The following CRMP1 variants were observed in gnomAD, a reference collection of about 807,000 sequenced individuals.
CRMP1 encodes dihydropyrimidinase-related protein 1.
A neutral mutation model predicts 68.3 loss-of-function variants in CRMP1; 19 were observed. The observed-to-expected ratio is 0.28, with a 90% CI of 0.19 to 0.41. CRMP1 has a LOEUF of 0.41. Ranked by LOEUF, CRMP1 falls within the 10% of genes least tolerant of loss-of-function variation. CRMP1 has a pLI of 1.00. For missense variants in CRMP1, 791 were observed against 967.4 expected, an observed-to-expected ratio of 0.82 and a Z score of 2.42; for synonymous variants, 439 against 399.6, an observed-to-expected ratio of 1.10 and a Z score of -1.18.
chr4:5,857,760 G>A (rs1273829001), intron 3 of CRMP1, among the ~76,000 whole-genome samples: 3 of 152,236 alleles, frequency 2.0e-5, no homozygotes, highest in South Asian at 2.1e-4. Context: ...CTTACCCACT[G>A]CTCCAAGCTA....
In CRMP1 at chr4:5,825,956, A is replaced by C. The variant is rs1719536232; in HGVS notation, c.1804-297T>G. ...CATGCAGTCATGCACACATATATGC[A>C]TGCACATGCAGTAACAAAACAGGCC... On this transcript the variant is annotated intron_variant, in intron 12 of 13. Transcript: ENST00000324989. This position sits in a 1 kb window ranked among gnomAD's most constrained non-coding sequence, Gnocchi z 4.4. 4.5e-6 allele frequency: 2 copies of C among 439,874 alleles called. No individual in the cohort carries two copies. Among genetic ancestry groups the C allele is most frequent in the African/African-American group, 2.1e-5 (1 of 47,946 alleles). The allele number at this position is 439,874 out of a possible 1,614,324, so 27.2% of individuals were successfully genotyped here.
In CRMP1 at chr4:5,856,229, G is replaced by C; in HGVS notation, c.734C>G (p.Ser245Cys). 3 of 1,614,008 alleles carry C rather than the reference G, an allele frequency of 1.9e-6. No individual in the cohort carries two copies. The highest frequency in any genetic ancestry group is 2.5e-6 in the Non-Finnish European group (3 of 1,179,904). The change falls in exon 4 of 14, where the codon TCC becomes TGC. Residue 245 changes from serine (S) to cysteine (C), a missense_variant. Physicochemically the swap from Ser to Cys is moderately radical, Grantham distance 112 (BLOSUM62 -1). This residue lies in a region of CRMP1 where 594 missense variants were observed against 763.6 expected (regional missense o/e 0.78). Coordinates refer to ENST00000324989, the MANE Select transcript of CRMP1 (RefSeq NM_001014809.3). Reference sequence around the variant, plus strand: ...CACGTGGAGGGAGTAATCACAGCAGGATTTGGTGTCAGCTGCTTCGTGCCA... The same window carrying C: ...CACGTGGAGGGAGTAATCACAGCAGCATTTGGTGTCAGCTGCTTCGTGCCA... ...EKWHEAADTK[S>C]CCDYSLHVDI...
chr4:5,837,688 A>G (rs1334305259), intron 9 of CRMP1, among the ~76,000 whole-genome samples: 1 of 150,044 alleles, frequency 6.7e-6, no homozygotes, highest in East Asian at 1.9e-4. Flanking sequence ...TAAATAAAAT[A>G]AAATAAAATA....
Position 5,883,387 on chromosome 4 carries a change from C to A in CRMP1, c.381+9202G>T, listed in dbSNP as rs1049348051. ...TGATCTCAGCTCACTGCAACCTCTG[C>A]CTCCCAGGTTCAAGCAATTTCTCCT... On this transcript the variant is annotated intron_variant, in intron 1 of 13. Coordinates refer to ENST00000324989, the MANE Select transcript of CRMP1 (RefSeq NM_001014809.3). The surrounding 1 kb of genome is among the most constrained non-coding windows in gnomAD (Gnocchi z 4.5). Among the ~76,000 whole-genome samples the A allele has an allele frequency of 1.3e-5, 2 of 152,024 alleles. No individual in the cohort carries two copies. Among genetic ancestry groups the A allele is most frequent in the South Asian group, 4.2e-4 (2 of 4,806 alleles).
At chr4:5,835,771 G>C in intron 11 of CRMP1, 144 bp downstream of exon 11, 1 of 979,688 alleles carries the variant, frequency 1.0e-6, no homozygotes, top group Non-Finnish European at 1.4e-6. Flanking sequence ...TCTCCAACTG[G>C]AGGAGAAATG....
Position 5,825,867 on chromosome 4 carries a change from ACAC to A in CRMP1, c.1804-211_1804-209del, listed in dbSNP as rs370030770. 3 of 563,534 alleles carry A rather than the reference ACAC, an allele frequency of 5.3e-6. No homozygotes were observed. Among genetic ancestry groups the A allele is most frequent in the Non-Finnish European group, 9.3e-6 (3 of 323,344 alleles). 34.9% of individuals were successfully genotyped at this position (563,534 alleles called of 1,614,324 possible). On this transcript the variant is annotated intron_variant, in intron 12 of 13. Coordinates refer to ENST00000324989, the MANE Select transcript of CRMP1 (RefSeq NM_001014809.3). This position sits in a 1 kb window ranked among gnomAD's most constrained non-coding sequence, Gnocchi z 4.4. ...TTCATACACACAAGCATGCATACACACACATCTACATACCCACATGCATACACA... is the reference window on the plus strand; with the variant it reads ...TTCATACACACAAGCATGCATACACAATCTACATACCCACATGCATACACA...
At position 5,843,970 on chromosome 4, in the gene CRMP1, T is replaced by TAA. The variant is rs56743840; in HGVS notation, c.964-811_964-810dup. On this transcript the variant is annotated intron_variant, in intron 6 of 13. Coordinates refer to ENST00000324989, the MANE Select transcript of CRMP1 (RefSeq NM_001014809.3). This position sits in a 1 kb window ranked among gnomAD's most constrained non-coding sequence, Gnocchi z 4.1. ...ACACTTTAATTTCTAAAATAAAAAA[T>TAA]AAAAAAAAAATTTGACATTGCCCAG... Among the ~76,000 whole-genome samples the TAA allele has an allele frequency of 6.0e-5, 9 of 150,476 alleles. No homozygotes were observed. The highest frequency in any genetic ancestry group is 2.0e-4 in the East Asian group (1 of 5,126).
rs1316946495 is a variant in CRMP1, at chr4:5,856,226, C to G, written c.737G>C (p.Cys246Ser). 4 of 1,614,020 alleles carry G rather than the reference C, an allele frequency of 2.5e-6. No individual in the cohort carries two copies. Among genetic ancestry groups the G allele is most frequent in the Non-Finnish European group, 3.4e-6 (4 of 1,179,920 alleles). The change falls in exon 4 of 14, where the codon TGC becomes TCC. Residue 246 changes from cysteine (C) to serine (S), a missense_variant. Transcript: ENST00000324989. ...KWHEAADTKS[C>S]CDYSLHVDIT... ...GTCCACGTGGAGGGAGTAATCACAG[C>G]AGGATTTGGTGTCAGCTGCTTCGTG...
At chr4:5,836,431 C>T (rs950894398) in intron 10 of CRMP1, among the ~76,000 whole-genome samples, 1 of 152,250 alleles carries the variant, frequency 6.6e-6, no homozygotes, top group Non-Finnish European at 1.5e-5. Flanking sequence ...TCTACCCACT[C>T]AACATCCCAA....
rs1280528917 is a variant in CRMP1, at chr4:5,889,473, G to A, written c.381+3116C>T. Among the ~76,000 whole-genome samples the A allele has an allele frequency of 6.6e-6, 1 of 152,094 alleles. No individual in the cohort carries two copies. Among genetic ancestry groups the A allele is most frequent in the Non-Finnish European group, 1.5e-5 (1 of 68,022 alleles). On this transcript the variant is annotated intron_variant, in intron 1 of 13. Transcript: ENST00000324989. The surrounding 1 kb of genome is among the most constrained non-coding windows in gnomAD (Gnocchi z 4.5). Reference sequence around the variant, plus strand: ...CCATGATCCAGATGTTGCTCCAGAGGGAGGTGGGCAGGAAGCCAGGTCACA... The same window carrying A: ...CCATGATCCAGATGTTGCTCCAGAGAGAGGTGGGCAGGAAGCCAGGTCACA...
At chr4:5,873,583 C>G (rs536555809) in intron 1 of CRMP1, among the ~76,000 whole-genome samples, 106 of 152,120 alleles carry the variant, frequency 7.0e-4, no homozygotes, top group African/African-American at 2.4e-3. Context: ...TTTAAATAAC[C>G]AGATCTCCTC....
At chr4:5,828,251 G>A (rs1195347253) in intron 12 of CRMP1, 31 of 985,258 alleles carry the variant, frequency 3.1e-5, no homozygotes, top group East Asian at 1.1e-4. Context: ...CCACCCTCAC[G>A]GGTGCACACC....
Position 5,825,112 on chromosome 4 carries a change from C to A in CRMP1, c.1969+382G>T. 1 of 985,428 alleles carries A rather than the reference C, an allele frequency of 1.0e-6. No individual in the cohort carries two copies. Among genetic ancestry groups the A allele is most frequent in the African/African-American group, 1.7e-5 (1 of 57,340 alleles). 61.0% of individuals were successfully genotyped at this position (985,428 alleles called of 1,614,324 possible). The stretch of plus-strand genomic sequence containing the variant: ...AGTGGGTGAACAGGCTAAAGACTTA[C>A]ACAGAGCACATGCCCTGCAAATGGC... On this transcript the variant is annotated intron_variant, in intron 13 of 13. Transcript: ENST00000324989. This position sits in a 1 kb window ranked among gnomAD's most constrained non-coding sequence, Gnocchi z 4.4.
chr4:5,825,673 G>A lies in CRMP1; in HGVS notation c.1804-14C>T, dbSNP rs776590273. On this transcript the variant is annotated splice_polypyrimidine_tract_variant and intron_variant, in intron 12 of 13. Coordinates refer to ENST00000324989, the MANE Select transcript of CRMP1 (RefSeq NM_001014809.3). This position sits in a 1 kb window ranked among gnomAD's most constrained non-coding sequence, Gnocchi z 4.4. The stretch of plus-strand genomic sequence containing the variant: ...CAATCCAAAAACCTAAACAGAGGAA[G>A]GGAGAGTGTGATTGATCGACACTGT... The A allele has an allele frequency of 1.2e-6, 2 of 1,611,984 alleles. No individual in the cohort carries two copies. The highest frequency in any genetic ancestry group is 2.2e-5 in the East Asian group (1 of 44,718).
At chr4:5,857,132 C>T (rs1442677561) in intron 3 of CRMP1, among the ~76,000 whole-genome samples, 2 of 150,466 alleles carry the variant, frequency 1.3e-5, no homozygotes, top group African/African-American at 2.5e-5. Flanking sequence ...ACCATCACCA[C>T]CACCACCATC....
rs764983545 is a variant in CRMP1 at position 5,843,000 on chromosome 4, C to T, written c.1032+93G>A. 1.9e-5 allele frequency: 24 copies of T among 1,235,656 alleles called. No individual in the cohort carries two copies. The highest frequency in any genetic ancestry group is 2.5e-5 in the Non-Finnish European group (21 of 844,370). 76.5% of individuals were successfully genotyped at this position (1,235,656 alleles called of 1,614,324 possible). A position where few individuals can be genotyped will look rare whatever the true frequency, so the allele number is the denominator to read the frequency against. ...TCTGGGAGAGGACACGGGAAGAGGCCGGGTCCTGGCTGGGCTACTCCAGCT... is the reference window on the plus strand; with the variant it reads ...TCTGGGAGAGGACACGGGAAGAGGCTGGGTCCTGGCTGGGCTACTCCAGCT... On this transcript the variant is annotated intron_variant, in intron 7 of 13. Transcript: ENST00000324989. This position sits in a 1 kb window ranked among gnomAD's most constrained non-coding sequence, Gnocchi z 4.5.
rs1455565252 is a variant in CRMP1, at chr4:5,890,426, G to C, written c.381+2163C>G. Among the ~76,000 whole-genome samples, 23 of 152,278 alleles carry C rather than the reference G, an allele frequency of 1.5e-4. No homozygotes were observed. The highest frequency in any genetic ancestry group is 3.9e-4 in the East Asian group (2 of 5,166). Reference sequence around the variant, plus strand: ...AGCCCAGGGAGAAGCCTGGTGGGCGGGGGGGGAAGGGCCGGGGCACCCGTT... The same window carrying C: ...AGCCCAGGGAGAAGCCTGGTGGGCGCGGGGGGAAGGGCCGGGGCACCCGTT... On this transcript the variant is annotated intron_variant, in intron 1 of 13. Coordinates refer to ENST00000324989, the MANE Select transcript of CRMP1 (RefSeq NM_001014809.3). The surrounding 1 kb of genome is among the most constrained non-coding windows in gnomAD (Gnocchi z 5.5).
rs1294224300 is a variant in CRMP1, at chr4:5,893,032, C to A, written c.-63G>T. ...GCCCGCCCGCGGCCCTGGGCACCGC[C>A]GTGCGCCGCGCTCCGCGCCTCGGTG... On this transcript the variant is annotated 5_prime_UTR_variant, in exon 1 of 14. Transcript: ENST00000324989. 5 of 1,051,224 alleles carry A rather than the reference C, an allele frequency of 4.8e-6. No homozygotes were observed. The African/African-American group carries it at 5.1e-5, about 11-fold the overall frequency. 65.1% of individuals were successfully genotyped at this position (1,051,224 alleles called of 1,614,324 possible).
At chr4:5,887,501 C>A in intron 1 of CRMP1, 1 of 985,004 alleles carries the variant, frequency 1.0e-6, no homozygotes. Flanking sequence ...CTCCCCACCC[C>A]GAGACAAAGC....
Sources: allele counts gnomAD v4.1 joint callset (sites outside exome capture counted in the v4.1 genomes callset), GRCh38; gene constraint gnomAD v4.1.1; regional missense constraint gnomAD v4.1.1; non-coding constraint Gnocchi (gnomAD v3.1); transcripts MANE v1.5; gene names NCBI Gene and HGNC (gene_info 2026-07-23, HGNC 2026-07-21).